PPHLN1: variants seen among roughly 807,000 people sequenced by gnomAD.
PPHLN1 encodes periphilin-1.
In PPHLN1, 29 loss-of-function variants were observed where a neutral mutation model predicts 51.3. The observed-to-expected ratio is 0.57, with a 90% CI of 0.42 to 0.77. PPHLN1 has a LOEUF of 0.77. PPHLN1 is among the 30% of genes least tolerant of loss of function. The probability of loss-of-function intolerance (pLI) is 0.00; values close to 1 mark genes in which losing one functional copy is unlikely to be tolerated. For synonymous variants in PPHLN1, 147 were observed against 147.8 expected (o/e 0.99, Z 0.04); for missense variants, 436 against 438.4 (o/e 0.99, Z 0.05).
intron 9 of PPHLN1, among the ~76,000 whole-genome samples, chr12:42,413,331 T>G (rs1472899343): frequency 6.6e-6 from 1 of 152,204 alleles, no homozygotes; most frequent in East Asian, 1.9e-4. Flanking sequence ...TTCTTCTATA[T>G]GTGGCTATCC....
intron 9 of PPHLN1, among the ~76,000 whole-genome samples, chr12:42,406,101 T>TTTTTTA (rs2079275389): frequency 2.0e-5 from 3 of 151,406 alleles, no homozygotes; most frequent in African/African-American, 7.3e-5. Context: ...TTTTTTTTTT[T>TTTTTTA]GAGACAGAGT....
At chr12:42,379,393 TC>T (rs2076577925) in intron 5 of PPHLN1, among the ~76,000 whole-genome samples, 1 of 152,026 alleles carries the variant, frequency 6.6e-6, no homozygotes, top group African/African-American at 2.4e-5. Context: ...AGATATTTCT[TC>T]CTTTTATGTT....
chr12:42,354,462 G>A (rs550918250), intron 3 of PPHLN1, among the ~76,000 whole-genome samples: 1 of 152,188 alleles, frequency 6.6e-6, no homozygotes, highest in South Asian at 2.1e-4. Flanking sequence ...CACCCTCCTT[G>A]GCATCCTAAA....
intron 9 of PPHLN1, among the ~76,000 whole-genome samples, chr12:42,426,171 ACCACACACACACACACAC>A (rs2081439872): frequency 1.1e-5 from 1 of 90,936 alleles, no homozygotes; most frequent in Non-Finnish European, 2.2e-5. Context: ...TAGACTTGAC[ACCACACACACACACACAC>A]ACACACACAC....
intron 9 of PPHLN1, among the ~76,000 whole-genome samples, chr12:42,438,894 G>A (rs2406968): frequency 0.02 from 3,088 of 152,236 alleles, 95 homozygotes; most frequent in African/African-American, 0.071. Context: ...GAGCCACTGC[G>A]CCCGGCCCTC....
intron 1 of PPHLN1, among the ~76,000 whole-genome samples, chr12:42,331,371 T>C (rs1476800592): frequency 1.3e-5 from 2 of 152,232 alleles, no homozygotes; most frequent in African/African-American, 4.8e-5. Flanking sequence ...AACAGATCCA[T>C]TATCTTGACT....
chr12:42,370,389 C>G (rs1279253520), intron 4 of PPHLN1, among the ~76,000 whole-genome samples: 13 of 152,210 alleles, frequency 8.5e-5, no homozygotes, highest in Admixed American at 8.5e-4. Context: ...CCTCCATTCA[C>G]ATTCTTTCTT....
intron 9 of PPHLN1, among the ~76,000 whole-genome samples, chr12:42,406,085 G>GTTTTT (rs1565956977): frequency 4.1e-5 from 5 of 120,890 alleles, no homozygotes; most frequent in South Asian, 2.6e-4. Flanking sequence ...AGTTTAGTCT[G>GTTTTT]GTTTTTTTTT....
At chr12:42,405,033 T>C (rs563171352) in intron 9 of PPHLN1, among the ~76,000 whole-genome samples, 1 of 152,062 alleles carries the variant, frequency 6.6e-6, no homozygotes, top group East Asian at 1.9e-4. Context: ...TCTAAAAAAA[T>C]AAAAATAAAA....
In PPHLN1 at chr12:42,374,849, T is replaced by C. The variant is rs754203427; in HGVS notation, c.300-14T>C. On this transcript the variant is annotated splice_polypyrimidine_tract_variant and intron_variant, in intron 4 of 9. Transcript: ENST00000358314. The stretch of plus-strand genomic sequence containing the variant: ...GTATAATTAACTTATTTTATGTTTT[T>C]TTTTTTTTCAAAGGGACATGAGAGA... The C allele has an allele frequency of 2.1e-5, 33 of 1,567,686 alleles. No homozygotes were observed. Among genetic ancestry groups the C allele is most frequent in the Non-Finnish European group, 2.2e-5 (26 of 1,156,612 alleles).
downstream of PPHLN1, chr12:42,446,141 C>G (rs778073885): frequency 3.2e-6 from 5 of 1,586,022 alleles, no homozygotes; most frequent in Admixed American, 1.8e-5. Context: ...ACAGCTTCGT[C>G]GGACGACAGG....
chr12:42,425,038 T>TCATG (rs1555219788), intron 9 of PPHLN1, among the ~76,000 whole-genome samples: 1 of 136,866 alleles, frequency 7.3e-6, no homozygotes, highest in Admixed American at 7.6e-5. Flanking sequence ...TTATTTTATT[T>TCATG]TATGTATGTA....
chr12:42,355,812 A>ATGTG (rs1220992787), intron 4 of PPHLN1: 1 of 152,036 alleles, frequency 6.6e-6, no homozygotes, highest in East Asian at 1.9e-4. Context: ...TAAATTATTA[A>ATGTG]TGTGTGGTAT....
chr12:42,342,189 A>T (rs2071611858), intron 2 of PPHLN1, among the ~76,000 whole-genome samples: 1 of 152,222 alleles, frequency 6.6e-6, no homozygotes, highest in Non-Finnish European at 1.5e-5. Context: ...GAGCTTAGTT[A>T]TCTGATTTCT....
chr12:42,443,450 C>T (rs1392387812), downstream of PPHLN1: 1 of 152,272 alleles, frequency 6.6e-6, no homozygotes, highest in East Asian at 1.9e-4. Context: ...AGACAACTTC[C>T]ATATAACCCT....
intron 3 of PPHLN1, among the ~76,000 whole-genome samples, chr12:42,354,346 G>A (rs1229943071): frequency 6.6e-6 from 1 of 152,138 alleles, no homozygotes; most frequent in Non-Finnish European, 1.5e-5. Context: ...AGCCTCCCGA[G>A]TAACTGGGAC....
chr12:42,350,605 A>G (rs990665576), intron 2 of PPHLN1, among the ~76,000 whole-genome samples: 5 of 152,146 alleles, frequency 3.3e-5, no homozygotes, highest in African/African-American at 1.2e-4. Flanking sequence ...TTGGGAGGCC[A>G]AGGCAGGCGG....
chr12:42,437,122 T>A (rs866076385), intron 9 of PPHLN1, among the ~76,000 whole-genome samples: 21 of 152,316 alleles, frequency 1.4e-4, no homozygotes, highest in African/African-American at 5.1e-4. Context: ...AATTTATCAG[T>A]TGATGTCTAA....
At chr12:42,380,643 T>C (rs1476527737) in intron 5 of PPHLN1, among the ~76,000 whole-genome samples, 2 of 152,158 alleles carry the variant, frequency 1.3e-5, no homozygotes, top group Non-Finnish European at 2.9e-5. Flanking sequence ...AAAAAAACTA[T>C]TCTAGACTTA....
Sources: gnomAD v4.1 joint callset for allele counts (sites outside exome capture counted in the v4.1 genomes callset) on GRCh38, gnomAD v4.1.1 for gene constraint, MANE v1.5 for transcripts, NCBI Gene and HGNC (gene_info 2026-07-23, HGNC 2026-07-21) for gene names.